The following MYRIP variants were observed in gnomAD, a reference collection of about 807,000 sequenced individuals.
MYRIP encodes rab effector MyRIP.
A neutral mutation model predicts 98.0 loss-of-function variants in MYRIP; 49 were observed. That is an observed-to-expected ratio of 0.50 (90% CI 0.40 to 0.63). MYRIP has a LOEUF of 0.63. Among genes scored for constraint, MYRIP ranks in the 30% least tolerant of loss-of-function variants. The pLI is 0.00. For missense variants in MYRIP, 1,004 were observed against 1,058.2 expected (o/e 0.95, Z 0.71); for synonymous variants, 404 against 409.5 (o/e 0.99, Z 0.16).
At chr3:40,125,050 T>C (rs1949494195) in intron 3 of MYRIP, among the ~76,000 whole-genome samples, 1 of 152,216 alleles carries the variant, frequency 6.6e-6, no homozygotes, top group Non-Finnish European at 1.5e-5. Context: ...CACAGGGTTG[T>C]TGCAAGGATT....
rs544242298 is a variant in MYRIP, at chr3:40,139,684, A to T, written c.333-11364A>T. Among the ~76,000 whole-genome samples, 4 of 152,252 alleles carry T rather than the reference A, an allele frequency of 2.6e-5. No individual in the cohort carries two copies. The East Asian group carries it at 5.8e-4, about 22-fold the overall frequency. ...CACTTCAAACTCCTGGTCTCAAGCA[A>T]TCCTCCTGCTTCAGCCTCCCAAGTA... On this transcript the variant is annotated intron_variant, in intron 3 of 16. Coordinates refer to ENST00000302541, the MANE Select transcript of MYRIP (RefSeq NM_015460.4).
intron 3 of MYRIP, among the ~76,000 whole-genome samples, chr3:40,137,768 G>A (rs926175888): frequency 6.6e-6 from 1 of 152,044 alleles, no homozygotes; most frequent in Non-Finnish European, 1.5e-5. Context: ...GGCACATGCT[G>A]GGTGCTCAGT....
intron 3 of MYRIP, among the ~76,000 whole-genome samples, chr3:40,138,179 A>G (rs1050351909): frequency 6.6e-6 from 1 of 152,230 alleles, no homozygotes; most frequent in African/African-American, 2.4e-5. Flanking sequence ...TCCCCTCCTA[A>G]GAATCACTCA....
chr3:40,044,636 A>G (rs1171744088), intron 3 of MYRIP, among the ~76,000 whole-genome samples: 1 of 152,142 alleles, frequency 6.6e-6, no homozygotes, highest in African/African-American at 2.4e-5. Context: ...AGGAAACATG[A>G]TGGTGAATTA....
At chr3:40,142,318 G>A (rs1442935684) in intron 3 of MYRIP, among the ~76,000 whole-genome samples, 1 of 152,080 alleles carries the variant, frequency 6.6e-6, no homozygotes, top group East Asian at 1.9e-4. Flanking sequence ...CTCCCAAAGT[G>A]CTGGGATTAC....
chr3:40,134,096 C>A (rs942376922), intron 3 of MYRIP, among the ~76,000 whole-genome samples: 3 of 152,208 alleles, frequency 2.0e-5, no homozygotes, highest in African/African-American at 7.2e-5. Flanking sequence ...CATTGCCACA[C>A]CCGGGAAGCG....
chr3:40,221,225 T>C (rs1429723434), intron 11 of MYRIP, among the ~76,000 whole-genome samples: 1 of 152,146 alleles, frequency 6.6e-6, no homozygotes, highest in Non-Finnish European at 1.5e-5. Flanking sequence ...TCAGTGTGCC[T>C]GGCACTATTG....
At chr3:39,940,161 G>A (rs1350685687) in intron 2 of MYRIP, among the ~76,000 whole-genome samples, 1 of 151,934 alleles carries the variant, frequency 6.6e-6, no homozygotes, top group Non-Finnish European at 1.5e-5. Flanking sequence ...ACATAAATCT[G>A]CATGGAAATA....
chr3:40,258,006 T>G (rs1953654041), intron 16 of MYRIP, 128 bp from the exon 17 acceptor site: 1 of 979,810 alleles, frequency 1.0e-6, no homozygotes, highest in East Asian at 2.4e-5. Context: ...CTAAATGTTG[T>G]GAAACATCTA....
At chr3:39,835,755 C>A (rs1021396822) in intron 1 of MYRIP, among the ~76,000 whole-genome samples, 3 of 152,090 alleles carry the variant, frequency 2.0e-5, no homozygotes, top group Non-Finnish European at 4.4e-5. Flanking sequence ...CCCTCCATTC[C>A]CCAATAGGCC....
chr3:39,854,520 C>A (rs947387718), intron 1 of MYRIP, among the ~76,000 whole-genome samples: 5 of 151,972 alleles, frequency 3.3e-5, no homozygotes, highest in Non-Finnish European at 5.9e-5. Flanking sequence ...ATCTATTTCC[C>A]TGGAGCATTT....
At chr3:39,993,941 C>A (rs1256477375) in intron 2 of MYRIP, among the ~76,000 whole-genome samples, 1 of 152,176 alleles carries the variant, frequency 6.6e-6, no homozygotes, top group Non-Finnish European at 1.5e-5. Context: ...ATCATGTTTC[C>A]ACTGCTTTTC....
At chr3:40,062,731 A>C (rs1050421990) in intron 3 of MYRIP, among the ~76,000 whole-genome samples, 1 of 152,212 alleles carries the variant, frequency 6.6e-6, no homozygotes, top group African/African-American at 2.4e-5. Flanking sequence ...TAAATTGTAA[A>C]TATAATTGCC....
intron 3 of MYRIP, among the ~76,000 whole-genome samples, chr3:40,054,843 A>G (rs1352322849): frequency 1.3e-5 from 2 of 152,222 alleles, no homozygotes; most frequent in Admixed American, 1.3e-4. Context: ...GTCTGCCGCA[A>G]GGCATATTTT....
At chr3:39,974,013 A>G (rs1291747912) in intron 2 of MYRIP, among the ~76,000 whole-genome samples, 1 of 152,148 alleles carries the variant, frequency 6.6e-6, no homozygotes, top group Non-Finnish European at 1.5e-5. Flanking sequence ...GAGCAAACAC[A>G]TTCAAAGCTA....
At chr3:39,879,396 T>C (rs1943103855) in intron 1 of MYRIP, among the ~76,000 whole-genome samples, 2 of 151,844 alleles carry the variant, frequency 1.3e-5, no homozygotes, top group African/African-American at 4.8e-5. Flanking sequence ...TTCTATTTCC[T>C]CACATGTCTA....
At chr3:40,253,573 C>A (rs1953464805) in intron 16 of MYRIP, among the ~76,000 whole-genome samples, 1 of 152,168 alleles carries the variant, frequency 6.6e-6, no homozygotes, top group Admixed American at 6.5e-5. Flanking sequence ...AATTCAACCT[C>A]CAAACAACCT....
intron 3 of MYRIP, among the ~76,000 whole-genome samples, chr3:40,124,687 G>A (rs1243185977): frequency 6.6e-6 from 1 of 152,188 alleles, no homozygotes; most frequent in African/African-American, 2.4e-5. Context: ...GGATATTCTG[G>A]CAGAGTTGTG....
intron 7 of MYRIP, among the ~76,000 whole-genome samples, chr3:40,169,635 A>T (rs944744599): frequency 6.6e-6 from 1 of 152,224 alleles, no homozygotes; most frequent in Non-Finnish European, 1.5e-5. Context: ...AAGAATTAGA[A>T]TATGTACCTT....
Sources: gnomAD v4.1 joint callset for allele counts (sites outside exome capture counted in the v4.1 genomes callset) on GRCh38, gnomAD v4.1.1 for gene constraint, MANE v1.5 for transcripts, NCBI Gene and HGNC (gene_info 2026-07-23, HGNC 2026-07-21) for gene names.